Variants in DPP6 observed in about 807,000 individuals in gnomAD.
DPP6 encodes the protein A-type potassium channel modulatory protein DPP6.
Under a neutral mutation model 122.6 loss-of-function variants are expected in DPP6, and 69 were observed. The ratio of observed to expected loss-of-function variants is 0.56; its 90% CI spans 0.46 to 0.69. DPP6 has a LOEUF of 0.69. Among genes scored for constraint, DPP6 ranks in the 30% least tolerant of loss-of-function variants. The pLI is 0.00. For missense variants in DPP6, 928 were observed against 1,116.9 expected (o/e 0.83, Z 2.41); for synonymous variants, 418 against 433.1 (o/e 0.97, Z 0.43).
Position 153,953,527 on chromosome 7 carries a change from TAA to T in DPP6, c.51+65795_51+65796del, listed in dbSNP as rs1465072728. On this transcript the variant is annotated intron_variant, in intron 1 of 25. Coordinates refer to the DPP6 transcript ENST00000404039. The stretch of plus-strand genomic sequence containing the variant: ...AAGATCATGCCCAGGACGTAGGGGA[TAA>T]AGAGGGACCAGACCTGCCTCATCTG... 2.6e-5 allele frequency among the ~76,000 whole-genome samples: 4 copies of T among 152,122 alleles called. No individual in the cohort carries two copies. In the East Asian group the frequency reaches 5.8e-4, roughly 22 times the overall value.
rs1445724107 is a variant in DPP6, at chr7:154,351,375, C to T, written c.244-94839C>T. Among the ~76,000 whole-genome samples the T allele has an allele frequency of 2.0e-5, 3 of 152,214 alleles. No individual in the cohort carries two copies. The East Asian group carries it at 5.8e-4, about 29-fold the overall frequency. On this transcript the variant is annotated intron_variant, in intron 1 of 25. Coordinates refer to ENST00000377770, the MANE Select transcript of DPP6 (RefSeq NM_130797.4). ...CTTCTCTTCTCCCAGGACCCTAGCT[C>T]GGGTGGAAACAGTGGGGAGGCCTTG...
chr7:153,886,399 C>T (rs1455040785), upstream of DPP6, among the ~76,000 whole-genome samples: 3 of 152,038 alleles, frequency 2.0e-5, no homozygotes, highest in Non-Finnish European at 4.4e-5. Context: ...GAAATGGGCG[C>T]TGGGATTTGG....
intron 3 of DPP6, among the ~76,000 whole-genome samples, chr7:154,518,902 C>T (rs1447601468): frequency 6.6e-6 from 1 of 152,112 alleles, no homozygotes; most frequent in Non-Finnish European, 1.5e-5. Context: ...TGAGGTTCCA[C>T]AGTTAATAGC....
At chr7:153,926,299 C>T (rs1280707404) in intron 1 of DPP6, among the ~76,000 whole-genome samples, 6 of 152,112 alleles carry the variant, frequency 3.9e-5, no homozygotes, top group African/African-American at 1.4e-4. Context: ...AATGTGATTA[C>T]AAAATTCTTG....
At chr7:154,027,690 G>A (rs1404929366) in intron 1 of DPP6, among the ~76,000 whole-genome samples, 1 of 151,768 alleles carries the variant, frequency 6.6e-6, no homozygotes, top group African/African-American at 2.4e-5. Flanking sequence ...CAGATGAACA[G>A]AGACTTCTGG....
intron 5 of DPP6, among the ~76,000 whole-genome samples, chr7:154,612,203 G>A (rs1488950449): frequency 6.6e-6 from 1 of 152,068 alleles, no homozygotes; most frequent in Non-Finnish European, 1.5e-5. Flanking sequence ...ACAAATTACT[G>A]AGACTGTGAT....
At chr7:154,072,891 C>T (rs1585314433) in intron 1 of DPP6, among the ~76,000 whole-genome samples, 1 of 152,402 alleles carries the variant, frequency 6.6e-6, no homozygotes, top group East Asian at 1.9e-4. Context: ...AGTGATGGCT[C>T]TTCCCACGGG....
chr7:154,786,903 A>G (rs1319845471), intron 10 of DPP6, among the ~76,000 whole-genome samples: 2 of 152,162 alleles, frequency 1.3e-5, no homozygotes, highest in African/African-American at 4.8e-5. Context: ...CTGAGTCCCC[A>G]TGATTCTCTC....
the DPP6 span, among the ~76,000 whole-genome samples, chr7:153,874,252 G>GCACACACA: frequency 0.13 from 19,261 of 150,108 alleles, 1,299 homozygotes; most frequent in South Asian, 0.17. Context: ...GTGCGCACAT[G>GCACACACA]CACACACACA....
At chr7:154,344,537 C>A (rs750965548) in intron 1 of DPP6, among the ~76,000 whole-genome samples, 6 of 152,030 alleles carry the variant, frequency 3.9e-5, no homozygotes, top group Non-Finnish European at 5.9e-5. Context: ...AATTGAGCTA[C>A]CAGGGAAAGG....
intron 1 of DPP6, among the ~76,000 whole-genome samples, chr7:154,214,941 T>C (rs1413576221): frequency 6.6e-6 from 1 of 151,884 alleles, no homozygotes. Context: ...TGTCTTGCAG[T>C]GTTGTTGTAA....
At chr7:154,675,339 T>G (rs960772160) in intron 7 of DPP6, among the ~76,000 whole-genome samples, 5 of 152,084 alleles carry the variant, frequency 3.3e-5, no homozygotes, top group Non-Finnish European at 7.4e-5. Flanking sequence ...ACATGTACCT[T>G]AGAACTTAAA....
intron 6 of DPP6, among the ~76,000 whole-genome samples, chr7:154,648,848 G>A (rs1284875123): frequency 6.6e-6 from 1 of 151,680 alleles, no homozygotes; most frequent in Non-Finnish European, 1.5e-5. Context: ...GAACCCAGGA[G>A]GCAGAGGTTG....
chr7:154,391,172 C>A (rs1181450712), intron 1 of DPP6, among the ~76,000 whole-genome samples: 2 of 152,178 alleles, frequency 1.3e-5, no homozygotes, highest in Non-Finnish European at 2.9e-5. Flanking sequence ...ATACACAGTG[C>A]CACGCGTGGG....
chr7:154,072,355 T>C (rs186524624), intron 1 of DPP6, among the ~76,000 whole-genome samples: 36,574 of 151,536 alleles, frequency 0.24, 5,121 homozygotes, highest in Non-Finnish European at 0.3. Context: ...AGGTGTGACC[T>C]TCCAGACCTT....
chr7:153,820,247 T>C, the DPP6 span, among the ~76,000 whole-genome samples: 1 of 152,232 alleles, frequency 6.6e-6, no homozygotes, highest in Non-Finnish European at 1.5e-5. Flanking sequence ...TAGGATACAC[T>C]GCATTTTTCA....
intron 1 of DPP6, among the ~76,000 whole-genome samples, chr7:153,971,091 A>G (rs1306328552): frequency 3.3e-5 from 5 of 152,196 alleles, no homozygotes; most frequent in East Asian, 1.9e-4. Context: ...TGTTAGTAAC[A>G]TTAAGTGTAT....
At chr7:154,804,308 A>C (rs1289103007) in intron 14 of DPP6, among the ~76,000 whole-genome samples, 1 of 152,228 alleles carries the variant, frequency 6.6e-6, no homozygotes, top group Non-Finnish European at 1.5e-5. Flanking sequence ...CAACAGTTCC[A>C]TGAGGTGAGT....
At chr7:153,886,808 C>T (rs1331639726), upstream of DPP6, among the ~76,000 whole-genome samples, 2 of 152,196 alleles carry the variant, frequency 1.3e-5, no homozygotes, top group African/African-American at 2.4e-5. Context: ...CCTCGCCAGA[C>T]TTGCGGGCGA....
Sources: gnomAD v4.1 joint callset for allele counts (sites outside exome capture counted in the v4.1 genomes callset) on GRCh38, gnomAD v4.1.1 for gene constraint, MANE v1.5 for transcripts, NCBI Gene and HGNC (gene_info 2026-07-23, HGNC 2026-07-21) for gene names.